Variants in SCRN1 observed in about 807,000 individuals in gnomAD.
SCRN1 encodes secernin 1.
Under a neutral mutation model 43.3 loss-of-function variants are expected in SCRN1, and 19 were observed. The ratio of observed to expected loss-of-function variants is 0.44; its 90% CI spans 0.31 to 0.64. The LOEUF (loss-of-function observed/expected upper bound fraction) is 0.64, where lower values mean the gene tolerates loss of function less well. SCRN1 is among the 30% of genes least tolerant of loss of function. The probability of loss-of-function intolerance (pLI) is 0.09; values close to 1 mark genes in which losing one functional copy is unlikely to be tolerated. For missense variants in SCRN1, 447 were observed against 524.1 expected, an observed-to-expected ratio of 0.85 and a Z score of 1.44; for synonymous variants, 183 against 188.9, an observed-to-expected ratio of 0.97 and a Z score of 0.26.
At chr7:29,974,591 A>G (rs548146454) in intron 1 of SCRN1, among the ~76,000 whole-genome samples, 4 of 152,186 alleles carry the variant, frequency 2.6e-5, no homozygotes, top group African/African-American at 9.6e-5. Context: ...AGACATTCAC[A>G]CTAAAATGAA....
At chr7:29,980,345 C>T (rs1162401167) in intron 1 of SCRN1, among the ~76,000 whole-genome samples, 1 of 152,112 alleles carries the variant, frequency 6.6e-6, no homozygotes, top group Non-Finnish European at 1.5e-5. Context: ...CCTTTCATTT[C>T]CTTCTGTTCT....
intron 7 of SCRN1, among the ~76,000 whole-genome samples, chr7:29,926,236 C>G (rs17158499): frequency 0.057 from 8,643 of 152,238 alleles, 307 homozygotes; most frequent in African/African-American, 0.098. Flanking sequence ...ACATGAGAAG[C>G]AGAAGCTTTG....
intron 3 of SCRN1, among the ~76,000 whole-genome samples, chr7:29,952,852 T>C (rs1220867666): frequency 6.6e-6 from 1 of 152,226 alleles, no homozygotes; most frequent in African/African-American, 2.4e-5. Flanking sequence ...CAGATGCCTG[T>C]GACTCCATCC....
intron 4 of SCRN1, 107 bp downstream of exon 4, chr7:29,943,870 C>A: frequency 9.6e-7 from 1 of 1,039,174 alleles, no homozygotes; most frequent in Non-Finnish European, 1.5e-6. Context: ...ACAGAGAGGA[C>A]CTGCAACGGC....
At chr7:29,929,845 A>C (rs1204065200) in intron 6 of SCRN1, among the ~76,000 whole-genome samples, 1 of 152,208 alleles carries the variant, frequency 6.6e-6, no homozygotes, top group African/African-American at 2.4e-5. Context: ...TTCTGTATTC[A>C]ATATAGGATA....
intron 2 of SCRN1, among the ~76,000 whole-genome samples, chr7:29,960,037 G>GGGAC (rs1788259169): frequency 6.7e-6 from 1 of 150,278 alleles, no homozygotes; most frequent in Non-Finnish European, 1.5e-5. Flanking sequence ...GAGGGAGGGA[G>GGGAC]GAAATCTGTC....
chr7:29,973,495 G>A (rs951127013), intron 1 of SCRN1, among the ~76,000 whole-genome samples: 4 of 152,180 alleles, frequency 2.6e-5, no homozygotes, highest in Admixed American at 6.5e-5. Flanking sequence ...GAAAAGGAAC[G>A]GAGCCAAGAA....
chr7:29,929,566 A>G (rs1787088990), intron 6 of SCRN1, among the ~76,000 whole-genome samples: 2 of 152,194 alleles, frequency 1.3e-5, no homozygotes, highest in South Asian at 4.1e-4. Context: ...AAGTGAGGGA[A>G]GGGGACAGCC....
Position 29,923,817 on chromosome 7 carries a change from G to T in SCRN1, c.*140C>A. ...CTGTGAGATTCAAGGTGGAACACAA[G>T]GTAACAGTTTGATCTGGCTTCAGAA... On this transcript the variant is annotated 3_prime_UTR_variant, in exon 8 of 8. Coordinates refer to ENST00000242059, the MANE Select transcript of SCRN1 (RefSeq NM_014766.5). The T allele has an allele frequency of 3.4e-6, 3 of 888,826 alleles. No homozygotes were observed. The South Asian group carries it at 4.9e-5, about 15-fold the overall frequency. The allele number at this position is 888,826 out of a possible 1,614,324, so 55.1% of individuals were successfully genotyped here. A position where few individuals can be genotyped will look rare whatever the true frequency, so the allele number is the denominator to read the frequency against.
Position 29,936,733 on chromosome 7 carries a change from C to T in SCRN1, c.740-12G>A, listed in dbSNP as rs753525328. On this transcript the variant is annotated splice_polypyrimidine_tract_variant and intron_variant, in intron 5 of 7. Coordinates refer to ENST00000242059, the MANE Select transcript of SCRN1 (RefSeq NM_014766.5). ...CACTGTGATGCTTTCTGCAAAAACA[C>T]AAAAGACAGACAAATGGAAAGAGTA... is the stretch of plus-strand genomic sequence containing the variant. The T allele has an allele frequency of 9.9e-6, 15 of 1,522,342 alleles. No individual in the cohort carries two copies. The highest frequency in any genetic ancestry group is 4.1e-5 in the African/African-American group (3 of 73,392). The allele number at this position is 1,522,342 out of a possible 1,614,324, so 94.3% of individuals were successfully genotyped here.
chr7:29,951,843 T>C (rs550248509), intron 3 of SCRN1, among the ~76,000 whole-genome samples: 1 of 152,236 alleles, frequency 6.6e-6, no homozygotes. Flanking sequence ...TGTCATTCCC[T>C]TATGTCTCTT....
intron 1 of SCRN1, among the ~76,000 whole-genome samples, chr7:29,986,561 G>T (rs1789160468): frequency 6.6e-6 from 1 of 151,412 alleles, no homozygotes; most frequent in Admixed American, 6.6e-5. Flanking sequence ...AATGAAAACG[G>T]ATTTAAAAAA....
intron 2 of SCRN1, among the ~76,000 whole-genome samples, chr7:29,966,055 T>C (rs1046983136): frequency 1.3e-5 from 2 of 151,480 alleles, no homozygotes; most frequent in African/African-American, 4.9e-5. Context: ...TCCACTCCAG[T>C]GTCTGGGGCC....
At chr7:29,954,493 C>G (rs879887558) in intron 3 of SCRN1, among the ~76,000 whole-genome samples, 1 of 152,124 alleles carries the variant, frequency 6.6e-6, no homozygotes, top group Admixed American at 6.5e-5. Context: ...CATTAGGAAT[C>G]ACTCCCCATT....
intron 3 of SCRN1, among the ~76,000 whole-genome samples, chr7:29,944,563 T>C (rs1017988803): frequency 6.7e-6 from 1 of 149,724 alleles, no homozygotes; most frequent in Non-Finnish European, 1.5e-5. Flanking sequence ...CTTGGAAGGC[T>C]GAGGTGGTAC....
chr7:29,980,429 C>T (rs1045665766), intron 1 of SCRN1, among the ~76,000 whole-genome samples: 2 of 152,156 alleles, frequency 1.3e-5, no homozygotes, highest in Non-Finnish European at 2.9e-5. Flanking sequence ...CCTATTCCCA[C>T]CATCTGTCTT....
At chr7:29,959,294 G>A (rs1228617772) in intron 2 of SCRN1, among the ~76,000 whole-genome samples, 1 of 152,232 alleles carries the variant, frequency 6.6e-6, no homozygotes, top group African/African-American at 2.4e-5. Flanking sequence ...TACGGTGGGA[G>A]AAGATGGCAA....
chr7:29,989,230 GC>G (rs1789275675), intron 1 of SCRN1: 1 of 152,326 alleles, frequency 6.6e-6, no homozygotes, highest in South Asian at 2.1e-4. Context: ...AGCAGGTACG[GC>G]ACCTCGGGGA....
chr7:29,940,981 T>C (rs2128089922), intron 4 of SCRN1, 105 bp from the exon 5 acceptor site: 1 of 918,282 alleles, frequency 1.1e-6, no homozygotes, highest in South Asian at 2.6e-5. Context: ...TGACTTTAAC[T>C]ACAGGGAGGA....
Sources: gnomAD v4.1 joint callset for allele counts (sites outside exome capture counted in the v4.1 genomes callset) on GRCh38, gnomAD v4.1.1 for gene constraint, MANE v1.5 for transcripts, NCBI Gene and HGNC (gene_info 2026-07-23, HGNC 2026-07-21) for gene names.